DOCK4: variants seen among roughly 807,000 people sequenced by gnomAD.
DOCK4 encodes the protein dedicator of cytokinesis 4, also known as dedicator of cytokinesis protein 4.
Under a neutral mutation model 268.1 loss-of-function variants are expected in DOCK4, and 97 were observed. The ratio of observed to expected loss-of-function variants is 0.36; its 90% CI spans 0.31 to 0.43. The LOEUF is 0.43. Ranked by LOEUF, DOCK4 falls within the 20% of genes least tolerant of loss-of-function variation. The pLI, the probability that DOCK4 is intolerant of heterozygous loss-of-function variation, is 1.00. For synonymous variants in DOCK4, 954 were observed against 887.2 expected, an observed-to-expected ratio of 1.08 and a Z score of -1.34; for missense variants, 2,145 against 2,455.7, an observed-to-expected ratio of 0.87 and a Z score of 2.67.
intron 1 of DOCK4, among the ~76,000 whole-genome samples, chr7:112,091,042 A>C (rs1443979574): frequency 1.3e-5 from 2 of 151,518 alleles, no homozygotes; most frequent in Non-Finnish European, 2.9e-5. Context: ...CACAAACATT[A>C]GACTGAAGAG....
intron 8 of DOCK4, chr7:111,971,498 G>T (rs528610972): frequency 1.0e-5 from 2 of 196,358 alleles, no homozygotes; most frequent in Non-Finnish European, 1.0e-5. Context: ...ATTTTATGAC[G>T]CAGGGCAGGC....
intron 44 of DOCK4, 138 bp from the exon 45 acceptor site, chr7:111,742,270 G>T: frequency 1.2e-6 from 1 of 822,228 alleles, no homozygotes; most frequent in South Asian, 4.1e-5. Context: ...AGGAACAGCT[G>T]TCACTTTACA....
chr7:111,769,853 G>A (rs901012453), intron 36 of DOCK4, among the ~76,000 whole-genome samples, 176 bp from the exon 37 acceptor site: 1 of 152,136 alleles, frequency 6.6e-6, no homozygotes, highest in Non-Finnish European at 1.5e-5. Flanking sequence ...GACTTCCCCT[G>A]GATGATGGAC....
At chr7:112,061,785 G>A (rs1028150083) in intron 1 of DOCK4, among the ~76,000 whole-genome samples, 8 of 86,944 alleles carry the variant, frequency 9.2e-5, no homozygotes, top group African/African-American at 1.5e-4. Flanking sequence ...ACACACACAC[G>A]ATGTACATGG....
intron 22 of DOCK4, among the ~76,000 whole-genome samples, chr7:111,865,832 G>C (rs912342053): frequency 1.6e-4 from 24 of 152,348 alleles, no homozygotes; most frequent in Admixed American, 1.3e-3. Flanking sequence ...CATGTGCCAA[G>C]GACTGCAAGT....
intron 8 of DOCK4, among the ~76,000 whole-genome samples, chr7:111,959,271 A>G (rs1040254286): frequency 7.2e-5 from 11 of 152,008 alleles, no homozygotes; most frequent in African/African-American, 2.7e-4. Context: ...GTCTCCATCT[A>G]TTTTTGTTCT....
chr7:112,168,986 T>C (rs1817842649), intron 1 of DOCK4, among the ~76,000 whole-genome samples: 1 of 152,228 alleles, frequency 6.6e-6, no homozygotes, highest in African/African-American at 2.4e-5. Flanking sequence ...TGGTTTGATT[T>C]ATGTCCCTGC....
chr7:111,942,495 C>T (rs996454852), intron 10 of DOCK4, among the ~76,000 whole-genome samples: 35 of 152,194 alleles, frequency 2.3e-4, no homozygotes, highest in Admixed American at 2.0e-4. Flanking sequence ...AGTTTAACTT[C>T]CTGGTTCTCT....
At chr7:111,958,354 A>C (rs1371487633) in intron 8 of DOCK4, among the ~76,000 whole-genome samples, 1 of 152,296 alleles carries the variant, frequency 6.6e-6, no homozygotes. Flanking sequence ...TTGAATACCA[A>C]AGAAGTCCTT....
chr7:111,760,738 TTGTGTGTGTGTGTG>T (rs3997406), intron 39 of DOCK4, among the ~76,000 whole-genome samples: 174 of 136,996 alleles, frequency 1.3e-3, no homozygotes, highest in African/African-American at 4.0e-3. Flanking sequence ...TGTCTGCTTT[TTGTGTGTGTGTGTG>T]TGTGTGTGTG....
At chr7:112,123,931 C>T (rs1319997074) in intron 1 of DOCK4, among the ~76,000 whole-genome samples, 1 of 152,128 alleles carries the variant, frequency 6.6e-6, no homozygotes, top group African/African-American at 2.4e-5. Flanking sequence ...ATATGGCACA[C>T]CCATTACTCT....
chr7:111,875,345 AT>A (rs1806764039), intron 17 of DOCK4, among the ~76,000 whole-genome samples: 1 of 152,196 alleles, frequency 6.6e-6, no homozygotes, highest in Non-Finnish European at 1.5e-5. Flanking sequence ...TTTCTGTCTT[AT>A]TTTCATAATT....
intron 1 of DOCK4, among the ~76,000 whole-genome samples, chr7:112,182,431 G>A (rs916904735): frequency 6.6e-6 from 1 of 152,148 alleles, no homozygotes; most frequent in African/African-American, 2.4e-5. Context: ...CACACCAACG[G>A]AATAGGAAAG....
chr7:112,036,915 C>T (rs1803843467), intron 1 of DOCK4, among the ~76,000 whole-genome samples: 1 of 152,284 alleles, frequency 6.6e-6, no homozygotes, highest in East Asian at 1.9e-4. Context: ...CCCGCCTTTG[C>T]CTCCCATAGT....
chr7:111,880,725 C>A (rs1288204774), intron 16 of DOCK4, among the ~76,000 whole-genome samples: 1 of 152,100 alleles, frequency 6.6e-6, no homozygotes, highest in Middle Eastern at 3.2e-3. Flanking sequence ...TAAAAGCAGA[C>A]ACAAAGACCA....
In DOCK4 at chr7:111,754,897, T is replaced by C. The variant is rs114255051; in HGVS notation, c.4416+618A>G. 7.4e-3 allele frequency among the ~76,000 whole-genome samples: 1,120 copies of C among 152,326 alleles called. 19 individuals are homozygous for C. Among genetic ancestry groups the C allele is most frequent in the African/African-American group, 0.025 (1,049 of 41,562 alleles). ...CAGTGAGACTAATACGCTGCCATCC[T>C]TTCTACTGGGAACTGTAACAACACG... On this transcript the variant is annotated intron_variant, in intron 42 of 52. Coordinates refer to ENST00000428084, the MANE Select transcript of DOCK4 (RefSeq NM_001363540.2).
intron 4 of DOCK4, among the ~76,000 whole-genome samples, chr7:111,995,413 T>TTGTGTG (rs71529492): frequency 2.6e-4 from 31 of 116,982 alleles, no homozygotes; most frequent in African/African-American, 3.5e-4. Context: ...AATTCTTTCT[T>TTGTGTG]TGTGTGTGTG....
intron 27 of DOCK4, among the ~76,000 whole-genome samples, chr7:111,814,942 A>G (rs1473311057): frequency 2.0e-5 from 3 of 152,222 alleles, no homozygotes; most frequent in African/African-American, 4.8e-5. Context: ...ACAGAAAGTG[A>G]CACGATGACT....
intron 26 of DOCK4, among the ~76,000 whole-genome samples, chr7:111,830,944 C>T (rs1168761515): frequency 6.6e-6 from 1 of 152,022 alleles, no homozygotes; most frequent in African/African-American, 2.4e-5. Flanking sequence ...ATCACGCCTC[C>T]CTCCTTAGGC....
Sources: allele counts gnomAD v4.1 joint callset (sites outside exome capture counted in the v4.1 genomes callset), GRCh38; gene constraint gnomAD v4.1.1; transcripts MANE v1.5; gene names NCBI Gene and HGNC (gene_info 2026-07-23, HGNC 2026-07-21).